The following TENM4 variants were observed in gnomAD, a reference collection of about 807,000 sequenced individuals.
TENM4 encodes the protein teneurin transmembrane protein 4, also known as teneurin-4.
In TENM4, 82 loss-of-function variants were observed where a neutral mutation model predicts 243.3. The ratio of observed to expected loss-of-function variants is 0.34; its 90% CI spans 0.28 to 0.40. TENM4 has a LOEUF of 0.40. Ranked by LOEUF, TENM4 falls within the 10% of genes least tolerant of loss-of-function variation. The pLI, the probability that TENM4 is intolerant of heterozygous loss-of-function variation, is 1.00. For missense variants in TENM4, 3,138 were observed against 3,673.3 expected (o/e 0.85, Z 3.77); for synonymous variants, 1,412 against 1,456.3 (o/e 0.97, Z 0.69).
At chr11:79,339,424 T>C (rs1857205853) in intron 1 of TENM4, among the ~76,000 whole-genome samples, 1 of 152,214 alleles carries the variant, frequency 6.6e-6, no homozygotes, top group African/African-American at 2.4e-5. Context: ...CACAGTTTGG[T>C]TGCAGTTCTG....
At chr11:78,833,787 C>T (rs1039943028) in intron 12 of TENM4, among the ~76,000 whole-genome samples, 12 of 152,096 alleles carry the variant, frequency 7.9e-5, no homozygotes, top group Admixed American at 6.5e-5. Flanking sequence ...CTGACGTTAT[C>T]TTTCTTTTAC....
Position 79,240,472 on chromosome 11 carries a change from G to T in TENM4, c.-264-24563C>A, listed in dbSNP as rs375910558. On this transcript the variant is annotated intron_variant, in intron 2 of 33. Coordinates refer to ENST00000278550, the MANE Select transcript of TENM4 (RefSeq NM_001098816.3). ...CCAGAAAGCCCACCTGGACTATGCT[G>T]TCTTATTGTGACTACTTCCTTGGCT... Among the ~76,000 whole-genome samples the T allele has an allele frequency of 2.6e-5, 4 of 152,130 alleles. No homozygotes were observed. The East Asian group carries it at 7.7e-4, about 29-fold the overall frequency.
chr11:78,691,821 T>G (rs1181109120), intron 28 of TENM4, among the ~76,000 whole-genome samples: 1 of 152,226 alleles, frequency 6.6e-6, no homozygotes, highest in Non-Finnish European at 1.5e-5. Context: ...AACCAATTTA[T>G]AAAATTTTCT....
chr11:78,717,322 CTCTT>C (rs1859542876), intron 25 of TENM4, among the ~76,000 whole-genome samples: 1 of 152,154 alleles, frequency 6.6e-6, no homozygotes, highest in South Asian at 2.1e-4. Flanking sequence ...AGTGAGAATT[CTCTT>C]TGTCTCTAAG....
At chr11:79,120,886 C>G (rs1000310002) in intron 4 of TENM4, among the ~76,000 whole-genome samples, 12 of 152,306 alleles carry the variant, frequency 7.9e-5, no homozygotes, top group Admixed American at 7.2e-4. Flanking sequence ...TTAACCCCCA[C>G]AGCAAATCTA....
At chr11:79,048,911 T>G (rs1195584756) in intron 6 of TENM4, among the ~76,000 whole-genome samples, 1 of 152,164 alleles carries the variant, frequency 6.6e-6, no homozygotes, top group African/African-American at 2.4e-5. Context: ...CCTTGGTCGG[T>G]GCTTAGAACC....
At chr11:78,809,146 G>A (rs879593109) in intron 14 of TENM4, among the ~76,000 whole-genome samples, 1 of 152,168 alleles carries the variant, frequency 6.6e-6, no homozygotes, top group African/African-American at 2.4e-5. Context: ...TGGCACAGGC[G>A]TGTGCTTCCT....
At chr11:79,306,612 A>T (rs1856630135) in intron 1 of TENM4, among the ~76,000 whole-genome samples, 1 of 152,196 alleles carries the variant, frequency 6.6e-6, no homozygotes, top group African/African-American at 2.4e-5. Context: ...AAGGAGCAAG[A>T]CAGTAATTTT....
chr11:78,663,783 G>A (rs1477466550), intron 32 of TENM4, among the ~76,000 whole-genome samples: 1 of 152,186 alleles, frequency 6.6e-6, no homozygotes, highest in Non-Finnish European at 1.5e-5. Flanking sequence ...ATTGTCACCT[G>A]CCACCCACTG....
At chr11:79,127,719 T>A (rs1001283052) in intron 4 of TENM4, among the ~76,000 whole-genome samples, 10 of 152,166 alleles carry the variant, frequency 6.6e-5, no homozygotes, top group Admixed American at 6.5e-5. Flanking sequence ...GCTGATCGGA[T>A]CCAGTGGGCA....
chr11:79,101,506 C>A (rs143123593), intron 4 of TENM4, among the ~76,000 whole-genome samples: 1 of 152,164 alleles, frequency 6.6e-6, no homozygotes, highest in South Asian at 2.1e-4. Flanking sequence ...ATTGACATGG[C>A]GGAGAGGCTC....
At chr11:79,026,375 C>G (rs1042911802) in intron 6 of TENM4, among the ~76,000 whole-genome samples, 11 of 152,116 alleles carry the variant, frequency 7.2e-5, no homozygotes, top group Admixed American at 6.6e-4. Flanking sequence ...TGACAGTGAT[C>G]AGGTAGCAGG....
intron 6 of TENM4, among the ~76,000 whole-genome samples, chr11:79,016,001 AG>A (rs1175989689): frequency 9.2e-5 from 14 of 152,306 alleles, no homozygotes; most frequent in African/African-American, 3.1e-4. Flanking sequence ...GCCAAAGGCA[AG>A]GGCGAGCCTG....
intron 1 of TENM4, among the ~76,000 whole-genome samples, chr11:79,333,884 G>C (rs939377996): frequency 6.6e-6 from 1 of 152,196 alleles, no homozygotes; most frequent in Admixed American, 6.5e-5. Context: ...GCTCAAGGCT[G>C]TCTGGCTCTA....
intron 6 of TENM4, among the ~76,000 whole-genome samples, chr11:78,929,152 T>C (rs946699688): frequency 6.6e-6 from 1 of 152,186 alleles, no homozygotes; most frequent in Non-Finnish European, 1.5e-5. Context: ...CATTTGCCTA[T>C]AAATCTGGAC....
intron 1 of TENM4, among the ~76,000 whole-genome samples, chr11:79,306,076 G>A (rs915155881): frequency 6.6e-6 from 1 of 152,202 alleles, no homozygotes; most frequent in Non-Finnish European, 1.5e-5. Context: ...CTGGAGCCAC[G>A]GACAGGGTGA....
At chr11:79,189,936 C>T (rs1863447257) in intron 3 of TENM4, among the ~76,000 whole-genome samples, 1 of 152,186 alleles carries the variant, frequency 6.6e-6, no homozygotes, top group South Asian at 2.1e-4. Flanking sequence ...AGAAGAAATG[C>T]TTCAGAGGCA....
rs74952551 is a variant in TENM4, at chr11:79,211,651, T to C, written c.-163+4157A>G. On this transcript the variant is annotated intron_variant, in intron 3 of 33. Transcript: ENST00000278550. ...TTCATTTCTGTTTCTTTTGGAAAAG[T>C]CATTATTCATAAAAATATGTTATTT... 2.0e-3 allele frequency among the ~76,000 whole-genome samples: 311 copies of C among 152,350 alleles called. 3 individuals are homozygous for C. The highest frequency in any genetic ancestry group is 7.1e-3 in the African/African-American group (297 of 41,582).
Position 78,863,094 on chromosome 11 carries a change from T to C in TENM4, c.1123A>G (p.Met375Val). ...LFGLNWHLQP[M>V]EGQMYEITED... ...GTGATCTCATACATCTGCCCCTCCA[T>C]CGGCTGCAGGTGCCAGTTTAGGCCA... Residue 375 changes from methionine (M) to valine (V), a missense_variant, in exon 10 of 34, where the codon ATG becomes GTG. Coordinates refer to ENST00000278550, the MANE Select transcript of TENM4 (RefSeq NM_001098816.3). 6.5e-7 allele frequency: 1 copy of C among 1,531,308 alleles called. No individual in the cohort carries two copies. The allele number at this position is 1,531,308 out of a possible 1,614,324, so 94.9% of individuals were successfully genotyped here.
Sources: allele counts gnomAD v4.1 joint callset (sites outside exome capture counted in the v4.1 genomes callset), GRCh38; gene constraint gnomAD v4.1.1; transcripts MANE v1.5; gene names NCBI Gene and HGNC (gene_info 2026-07-23, HGNC 2026-07-21).